The following AMPH variants were observed in gnomAD, a reference collection of about 807,000 sequenced individuals.
AMPH encodes the protein amphiphysin (Stiff-Mann syndrome with breast cancer 128kD autoantigen).
AMPH carries 49 observed loss-of-function variants against 99.1 expected under a neutral mutation model. That is an observed-to-expected ratio of 0.49 (90% CI 0.39 to 0.63). The LOEUF (loss-of-function observed/expected upper bound fraction) is 0.63. Ranked by LOEUF, AMPH falls within the 20% of genes least tolerant of loss-of-function variation. AMPH has a pLI of 0.00. For missense variants in AMPH, 759 were observed against 863.4 expected (o/e 0.88, Z 1.52); for synonymous variants, 314 against 317.3 (o/e 0.99, Z 0.11).
chr7:38,556,341 G>A (rs1224489488), intron 1 of AMPH, among the ~76,000 whole-genome samples: 1 of 152,136 alleles, frequency 6.6e-6, no homozygotes, highest in Non-Finnish European at 1.5e-5. Context: ...CCTGCTGTAT[G>A]CCAGACCCTG....
chr7:38,439,073 T>C (rs191003110), intron 11 of AMPH, among the ~76,000 whole-genome samples: 4 of 152,300 alleles, frequency 2.6e-5, no homozygotes, highest in Admixed American at 6.5e-5. Context: ...TGAGAGTTGA[T>C]GGTTTTAAAG....
At chr7:38,623,829 A>G (rs1406699019) in intron 1 of AMPH, among the ~76,000 whole-genome samples, 1 of 152,222 alleles carries the variant, frequency 6.6e-6, no homozygotes, top group African/African-American at 2.4e-5. Flanking sequence ...TCCAAATGTC[A>G]CACAACCAGA....
chr7:38,491,363 A>G (rs962841309), intron 4 of AMPH, among the ~76,000 whole-genome samples: 1 of 152,240 alleles, frequency 6.6e-6, no homozygotes, highest in African/African-American at 2.4e-5. Context: ...AGCTCAGCTC[A>G]TTAAAACTGT....
chr7:38,525,277 T>TATATATAGAGAG (rs1481528083), intron 2 of AMPH, among the ~76,000 whole-genome samples: 223 of 86,634 alleles, frequency 2.6e-3, no homozygotes, highest in South Asian at 8.1e-3. Flanking sequence ...TATATATATA[T>TATATATAGAGAG]AGAGAGAGAG....
intron 7 of AMPH, among the ~76,000 whole-genome samples, chr7:38,475,053 T>C (rs1049092520): frequency 1.3e-5 from 2 of 152,238 alleles, no homozygotes; most frequent in Non-Finnish European, 2.9e-5. Flanking sequence ...TCATCCTATA[T>C]GGCAGCTACT....
At chr7:38,608,647 A>G (rs1793517251) in intron 1 of AMPH, among the ~76,000 whole-genome samples, 1 of 152,188 alleles carries the variant, frequency 6.6e-6, no homozygotes, top group Admixed American at 6.5e-5. Flanking sequence ...TTGTCACTAC[A>G]GACACCAATA....
intron 9 of AMPH, among the ~76,000 whole-genome samples, chr7:38,463,862 T>C (rs527356653): frequency 1.3e-5 from 2 of 152,300 alleles, no homozygotes; most frequent in South Asian, 4.1e-4. Context: ...TCCTACTCTC[T>C]AAGAATTTCT....
At chr7:38,536,053 T>C (rs944946748) in intron 1 of AMPH, among the ~76,000 whole-genome samples, 6 of 152,114 alleles carry the variant, frequency 3.9e-5, no homozygotes, top group East Asian at 3.8e-4. Context: ...CAAGGCCCCA[T>C]GCTAAACACG....
In AMPH at chr7:38,579,721, T is replaced by C. The variant is rs76188045; in HGVS notation, c.70-44710A>G. Among the ~76,000 whole-genome samples, 384 of 152,312 alleles carry C rather than the reference T, an allele frequency of 2.5e-3. 2 individuals carry two copies. Among genetic ancestry groups the C allele is most frequent in the African/African-American group, 8.6e-3 (356 of 41,566 alleles). The stretch of plus-strand genomic sequence containing the variant: ...TCAATTGTTGTACTCCCAGAATAAT[T>C]CCTTAGAGGAGAATGAAATAATCAA... On this transcript the variant is annotated intron_variant, in intron 1 of 20. Coordinates refer to ENST00000356264, the MANE Select transcript of AMPH (RefSeq NM_001635.4).
chr7:38,528,112 A>G (rs979209437), intron 2 of AMPH, among the ~76,000 whole-genome samples: 2 of 152,200 alleles, frequency 1.3e-5, no homozygotes, highest in Non-Finnish European at 2.9e-5. Flanking sequence ...GTCAAGGTGT[A>G]TAATTCTTTT....
chr7:38,591,347 GCATGATCT>G (rs1792850024), intron 1 of AMPH, among the ~76,000 whole-genome samples: 1 of 150,380 alleles, frequency 6.6e-6, no homozygotes, highest in Non-Finnish European at 1.5e-5. Flanking sequence ...GAGTGCAATG[GCATGATCT>G]CAGCTCACTG....
At chr7:38,502,567 G>A (rs1268851007) in intron 3 of AMPH, among the ~76,000 whole-genome samples, 1 of 152,182 alleles carries the variant, frequency 6.6e-6, no homozygotes, top group Non-Finnish European at 1.5e-5. Flanking sequence ...CCAGGTGGAG[G>A]TTGTTAGGTA....
At position 38,583,688 on chromosome 7, in the gene AMPH, G is replaced by T. The variant is rs146406557; in HGVS notation, c.69+47595C>A. 2.0e-5 allele frequency among the ~76,000 whole-genome samples: 3 copies of T among 152,306 alleles called. No individual in the cohort carries two copies. In the East Asian group the frequency reaches 5.8e-4, roughly 29 times the overall value. On this transcript the variant is annotated intron_variant, in intron 1 of 20. Transcript: ENST00000356264. ...CTAAAGAAAATAAAGCAGAGCCCCT[G>T]CCCCCAGGGAAGCTCACAGTCCACT...
chr7:38,460,843 G>T (rs1334837032), intron 11 of AMPH, among the ~76,000 whole-genome samples: 2 of 152,126 alleles, frequency 1.3e-5, no homozygotes, highest in African/African-American at 4.8e-5. Flanking sequence ...TTTCAAAGTA[G>T]CTAGAAGAGA....
At chr7:38,463,762 T>A (rs1167726522) in intron 9 of AMPH, among the ~76,000 whole-genome samples, 1 of 152,218 alleles carries the variant, frequency 6.6e-6, no homozygotes, top group Non-Finnish European at 1.5e-5. Context: ...AGATTCAGTT[T>A]CGTTTACTAA....
chr7:38,554,645 C>T (rs553812151), intron 1 of AMPH, among the ~76,000 whole-genome samples: 1 of 152,098 alleles, frequency 6.6e-6, no homozygotes, highest in Non-Finnish European at 1.5e-5. Context: ...TATGAGTGGG[C>T]TAGAAACCCA....
intron 2 of AMPH, among the ~76,000 whole-genome samples, chr7:38,514,040 C>T (rs989793215): frequency 9.9e-5 from 15 of 152,208 alleles, no homozygotes; most frequent in Non-Finnish European, 1.3e-4. Context: ...AAATACCATT[C>T]CCTTTGCTCT....
chr7:38,482,475 C>A (rs3807418), intron 5 of AMPH, among the ~76,000 whole-genome samples: 4 of 152,074 alleles, frequency 2.6e-5, no homozygotes, highest in African/African-American at 9.7e-5. Context: ...AGAAGACCAG[C>A]CAATATAATC....
intron 5 of AMPH, among the ~76,000 whole-genome samples, chr7:38,487,590 T>C (rs1048120635): frequency 1.3e-5 from 2 of 152,026 alleles, no homozygotes; most frequent in African/African-American, 4.8e-5. Flanking sequence ...ACCTAGGCAA[T>C]ACCATTCAGG....
Sources: allele counts gnomAD v4.1 joint callset (sites outside exome capture counted in the v4.1 genomes callset), GRCh38; gene constraint gnomAD v4.1.1; transcripts MANE v1.5; gene names NCBI Gene and HGNC (gene_info 2026-07-23, HGNC 2026-07-21).